ASL: variants seen among roughly 807,000 people sequenced by gnomAD.
ASL encodes argininosuccinate lyase.
A neutral mutation model predicts 69.1 loss-of-function variants in ASL; 51 were observed. The ratio of observed to expected loss-of-function variants is 0.74; its 90% CI spans 0.59 to 0.93. The LOEUF (loss-of-function observed/expected upper bound fraction) is 0.93, where lower values mean the gene tolerates loss of function less well. Ranked by LOEUF, ASL falls within the 40% of genes least tolerant of loss-of-function variation. The probability of loss-of-function intolerance (pLI) is 0.00; values close to 1 mark genes in which losing one functional copy is unlikely to be tolerated. For missense variants in ASL, 540 were observed against 623.9 expected (o/e 0.87, Z 1.43); for synonymous variants, 241 against 247.6 (o/e 0.97, Z 0.25).
intron 7 of ASL, 26 bp downstream of exon 7, chr7:66,086,688 G>A (rs1382027926): frequency 6.2e-7 from 1 of 1,613,406 alleles, no homozygotes; most frequent in South Asian, 1.1e-5. Context: ...TGCAGGGGCT[G>A]TGCTAGAGGG....
intron 14 of ASL, among the ~76,000 whole-genome samples, chr7:66,090,250 T>A (rs1011146997): frequency 6.6e-6 from 1 of 151,506 alleles, no homozygotes; most frequent in South Asian, 2.1e-4. Flanking sequence ...AATATATAAA[T>A]TAAATTAAAT....
intron 6 of ASL, among the ~76,000 whole-genome samples, chr7:66,085,340 T>G (rs532101735): frequency 6.6e-6 from 1 of 152,088 alleles, no homozygotes; most frequent in South Asian, 2.1e-4. Flanking sequence ...TAGCTGGGTG[T>G]GATGGTGGGC....
chr7:66,079,776 C>G (rs867063931), intron 2 of ASL, among the ~76,000 whole-genome samples: 4 of 152,162 alleles, frequency 2.6e-5, no homozygotes, highest in African/African-American at 7.2e-5. Flanking sequence ...AGTGCCACCA[C>G]GCCTGGCTAA....
At chr7:66,077,875 T>C (rs1192873872) in intron 2 of ASL, among the ~76,000 whole-genome samples, 1 of 152,224 alleles carries the variant, frequency 6.6e-6, no homozygotes, top group Non-Finnish European at 1.5e-5. Context: ...AGATGTGTCC[T>C]GGCTTGGAGT....
At chr7:66,092,461 G>GAAAA in intron 15 of ASL, 96 bp from the exon 16 acceptor site, 8 of 985,598 alleles carry the variant, frequency 8.1e-6, no homozygotes, top group Non-Finnish European at 1.0e-5. Flanking sequence ...GTGTCAAAAA[G>GAAAA]AAAAAAAAAA....
At chr7:66,092,452 T>C in intron 15 of ASL, 105 bp from the exon 16 acceptor site, 1 of 1,097,266 alleles carries the variant, frequency 9.1e-7, no homozygotes, top group Non-Finnish European at 1.3e-6. Flanking sequence ...CGAGACTTTG[T>C]GTCAAAAAGA....
At chr7:66,078,480 C>T (rs1786411238) in intron 2 of ASL, among the ~76,000 whole-genome samples, 2 of 152,090 alleles carry the variant, frequency 1.3e-5, no homozygotes, top group African/African-American at 4.8e-5. Context: ...CATGTCCTAT[C>T]CCCTGCCAGC....
In ASL at chr7:66,076,141, G is replaced by T. The variant is rs773195623; in HGVS notation, c.12+48G>T. 11 of 1,572,740 alleles carry T rather than the reference G, an allele frequency of 7.0e-6. No homozygotes were observed. In the African/African-American group the frequency reaches 8.1e-5, roughly 12 times the overall value. On this transcript the variant is annotated intron_variant, in intron 2 of 16. Coordinates refer to ENST00000304874, the MANE Select transcript of ASL (RefSeq NM_000048.4). ...CGGTCCTCCTAGCCTCCAAAGGAGA[G>T]AGTGGGGGCGCCAGACCTGCCTCGG...
chr7:66,092,822 G>A lies in ASL; in HGVS notation c.1305G>A (p.Glu435=). The change falls in exon 17 of 17, where the codon GAG becomes GAA. Residue 435 remains glutamate (E), a synonymous_variant. Transcript: ENST00000304874. ...TGTGGGACTACGGGCACAGTGTGGA[G>A]CAGTATGGTGCCCTGGGCGGCACTG... ...ICVWDYGHSV[E]QYGALGGTAR... is the part of the protein sequence containing the mutation. The A allele has an allele frequency of 6.2e-7, 1 of 1,613,836 alleles. No individual in the cohort carries two copies. Among genetic ancestry groups the A allele is most frequent in the Non-Finnish European group, 8.5e-7 (1 of 1,180,002 alleles).
Position 66,093,361 on chromosome 7 carries a change from G to A in ASL, c.*449G>A. ...AAAATAAATGGAAGCGGAGAAAACTGGGCAAGGGCAATGAGAGTCGTAGAC... is the reference window on the plus strand; with the variant it reads ...AAAATAAATGGAAGCGGAGAAAACTAGGCAAGGGCAATGAGAGTCGTAGAC... On this transcript the variant is annotated 3_prime_UTR_variant, in exon 17 of 17. Transcript: ENST00000304874. The A allele has an allele frequency of 3.4e-6, 1 of 293,010 alleles. No homozygotes were observed. The highest frequency in any genetic ancestry group is 6.7e-6 in the Non-Finnish European group (1 of 148,686). 18.2% of individuals were successfully genotyped at this position (293,010 alleles called of 1,614,324 possible).
At position 66,092,588 on chromosome 7, in the gene ASL, G is replaced by A; in HGVS notation, c.1175G>A (p.Gly392Glu). Residue 392 changes from glycine to glutamate, a missense_variant, in exon 16 of 17, where the codon GGG (glycine) becomes GAG (glutamate). By Grantham distance (98) the Gly-to-Glu change is moderately conservative. Coordinates refer to ENST00000304874, the MANE Select transcript of ASL (RefSeq NM_000048.4). ...MPFRQAHEAS[G>E]KAVFMAETKG... The stretch of plus-strand genomic sequence containing the variant: ...TTCCGCCAGGCCCACGAGGCCTCCG[G>A]GAAAGCTGTGTTCATGGCCGAGACC... The A allele has an allele frequency of 6.2e-7, 1 of 1,612,026 alleles. No homozygotes were observed. The highest frequency in any genetic ancestry group is 8.5e-7 in the Non-Finnish European group (1 of 1,179,996).
intron 6 of ASL, among the ~76,000 whole-genome samples, chr7:66,084,432 G>C (rs1786600769): frequency 6.6e-6 from 1 of 151,886 alleles, no homozygotes; most frequent in African/African-American, 2.4e-5. Context: ...AAAGTGCTAG[G>C]ATTACACCCA....
intron 9 of ASL, 123 bp downstream of exon 9, chr7:66,087,509 T>C: frequency 4.7e-6 from 6 of 1,269,588 alleles, no homozygotes; most frequent in South Asian, 1.2e-5. Flanking sequence ...ATTCATTGCC[T>C]ATGGGCACTG....
chr7:66,081,926 A>G lies in ASL; in HGVS notation c.136A>G (p.Ser46Gly). ...GGATGTTCAAGGCAGCAAAGCCTAC[A>G]GCAGGGGCCTGGAGAAGGCAGGGCT... ...EVDVQGSKAY[S>G]RGLEKAGLLT... The change falls in exon 3 of 17, where the codon AGC becomes GGC. Residue 46 changes from serine (S) to glycine (G), a missense_variant. Ser to Gly is a moderately conservative substitution (Grantham distance 56). Transcript: ENST00000304874. 3.7e-6 allele frequency: 6 copies of G among 1,613,912 alleles called. No homozygotes were observed. Among genetic ancestry groups the G allele is most frequent in the Non-Finnish European group, 5.1e-6 (6 of 1,179,980 alleles).
In ASL at chr7:66,082,016, G is replaced by A; in HGVS notation, c.207+19G>A. 6.3e-7 allele frequency: 1 copy of A among 1,585,490 alleles called. No individual in the cohort carries two copies. Among genetic ancestry groups the A allele is most frequent in the Non-Finnish European group, 8.6e-7 (1 of 1,165,962 alleles). ...AGACAAGGTACTTGCCGTGGCCCAA[G>A]CCCCACCCAAGGCCCCTTCCCTGTG... On this transcript the variant is annotated intron_variant, in intron 3 of 16. Coordinates refer to ENST00000304874, the MANE Select transcript of ASL (RefSeq NM_000048.4).
chr7:66,092,143 T>A (rs1786865176), intron 15 of ASL, 57 bp downstream of exon 15: 1 of 1,581,934 alleles, frequency 6.3e-7, no homozygotes, highest in Non-Finnish European at 8.6e-7. Context: ...CCCCAGAGGG[T>A]GGGGGAGCTC....
rs1232124986 is a variant in ASL at position 66,081,944 on chromosome 7, G to C, written c.154G>C (p.Ala52Pro). The C allele has an allele frequency of 6.2e-7, 1 of 1,613,694 alleles. No individual in the cohort carries two copies. Among genetic ancestry groups the C allele is most frequent in the East Asian group, 2.2e-5 (1 of 44,868 alleles). ...AGCCTACAGCAGGGGCCTGGAGAAG[G>C]CAGGGCTCCTCACCAAGGCCGAGAT... ...SKAYSRGLEK[A>P]GLLTKAEMDQ... is the part of the protein sequence containing the mutation. The change falls in exon 3 of 17, where the codon GCA becomes CCA. Residue 52 changes from alanine to proline, a missense_variant. Ala to Pro is a conservative substitution (Grantham distance 27). Transcript: ENST00000304874.
At position 66,092,075 on chromosome 7, in the gene ASL, G is replaced by A. The variant is rs1786860006; in HGVS notation, c.1132G>A (p.Val378Ile). The A allele has an allele frequency of 6.2e-7, 1 of 1,612,234 alleles. No homozygotes were observed. Reference sequence around the variant, plus strand: ...GGCCACTGACCTTGCCTATTACCTGGTCCGCAAAGGGGTAAGTGTGTAGCA... The same window carrying A: ...GGCCACTGACCTTGCCTATTACCTGATCCGCAAAGGGGTAAGTGTGTAGCA... ...MLATDLAYYLVRKGMPFRQAH... is the reference protein window; with the variant it reads ...MLATDLAYYLIRKGMPFRQAH... The change falls in exon 15 of 17, where the codon GTC becomes ATC. Residue 378 changes from valine to isoleucine, a missense_variant. Val to Ile is a conservative substitution (Grantham distance 29). Transcript: ENST00000304874.
intron 16 of ASL, 32 bp from the exon 17 acceptor site, chr7:66,092,736 G>A: frequency 6.2e-7 from 1 of 1,613,064 alleles, no homozygotes; most frequent in Non-Finnish European, 8.5e-7. Context: ...GGGTGGCCTG[G>A]CGCCCTGGCC....
Sources: gnomAD v4.1 joint callset for allele counts (sites outside exome capture counted in the v4.1 genomes callset) on GRCh38, gnomAD v4.1.1 for gene constraint, MANE v1.5 for transcripts, NCBI Gene and HGNC (gene_info 2026-07-23, HGNC 2026-07-21) for gene names.